ADH1A: variants seen among roughly 807,000 people sequenced by gnomAD.
ADH1A encodes the protein alcohol dehydrogenase 1A.
Under a neutral mutation model 35.2 loss-of-function variants are expected in ADH1A, and 29 were observed. The observed-to-expected ratio is 0.82, with a 90% CI of 0.61 to 1.12. The LOEUF (loss-of-function observed/expected upper bound fraction) is 1.12, where lower values mean the gene tolerates loss of function less well. Ranked by LOEUF, ADH1A falls within the 50% of genes most tolerant of loss-of-function variation. ADH1A has a pLI of 0.00. For synonymous variants in ADH1A, 147 were observed against 164.8 expected (o/e 0.89, Z 0.83); for missense variants, 469 against 464.7 (o/e 1.01, Z -0.09).
chr4:99,282,195 A>G, intron 6 of ADH1A, 151 bp downstream of exon 6: 1 of 1,456,518 alleles, frequency 6.9e-7, no homozygotes, highest in African/African-American at 1.4e-5. Flanking sequence ...CCTCATAACA[A>G]TAAATTAAAC....
At chr4:99,287,086 G>T in intron 2 of ADH1A, 98 bp from the exon 3 acceptor site, 1 of 1,467,852 alleles carries the variant, frequency 6.8e-7, no homozygotes, top group Non-Finnish European at 9.2e-7. Flanking sequence ...ATGTTTTCAA[G>T]GGTTTTGCTA....
At position 99,282,362 on chromosome 4, in the gene ADH1A, C is replaced by A. The variant is rs754271044; in HGVS notation, c.812G>T (p.Gly271Val). Residue 271 changes from glycine (G) to valine (V), a missense_variant, in exon 6 of 9, where the codon GGT (glycine) becomes GTT (valine). Gly to Val is a moderately radical substitution (Grantham distance 109, BLOSUM62 -3). Transcript: ENST00000209668. ...GGVDFSFEVI[G>V]RLDTMMASLL... Reference sequence around the variant, plus strand: ...GGTACATACCATGGTGTCAAGCCGACCGATGACTTCAAATGAAAAATCCAC... The same window carrying A: ...GGTACATACCATGGTGTCAAGCCGAACGATGACTTCAAATGAAAAATCCAC... 2.5e-6 allele frequency: 4 copies of A among 1,614,154 alleles called. No homozygotes were observed. Among genetic ancestry groups the A allele is most frequent in the Non-Finnish European group, 3.4e-6 (4 of 1,180,014 alleles).
Position 99,276,579 on chromosome 4 carries a change from T to G in ADH1A, c.*45A>C, listed in dbSNP as rs1448444797. On this transcript the variant is annotated 3_prime_UTR_variant, in exon 9 of 9. Coordinates refer to ENST00000209668, the MANE Select transcript of ADH1A (RefSeq NM_000667.4). ...AGCTGTTGCTCCAGATCATGTAGGG[T>G]AGAGGAGGCTGAAGACTGCCACAAG... The G allele has an allele frequency of 6.4e-7, 1 of 1,551,272 alleles. No homozygotes were observed. Among genetic ancestry groups the G allele is most frequent in the African/African-American group, 1.4e-5 (1 of 73,478 alleles).
At chr4:99,286,664 A>T (rs542049518) in intron 3 of ADH1A, 186 bp downstream of exon 3, 3 of 938,380 alleles carry the variant, frequency 3.2e-6, no homozygotes, top group Non-Finnish European at 4.7e-6. Flanking sequence ...GGTAGAATAC[A>T]TGCGTGCCTA....
chr4:99,279,600 A>C (rs758489862), intron 7 of ADH1A, 36 bp from the exon 8 acceptor site: 1 of 1,579,568 alleles, frequency 6.3e-7, no homozygotes, highest in Non-Finnish European at 8.6e-7. Context: ...AGATTCAACC[A>C]GGGTAAGTAG....
chr4:99,277,768 A>G (rs1732904814), intron 8 of ADH1A, among the ~76,000 whole-genome samples: 1 of 152,078 alleles, frequency 6.6e-6, no homozygotes, highest in Admixed American at 6.6e-5. Flanking sequence ...CTAATAGATG[A>G]TTGGAATTTA....
At chr4:99,284,910 A>C in intron 3 of ADH1A, 107 bp from the exon 4 acceptor site, 1 of 987,342 alleles carries the variant, frequency 1.0e-6, no homozygotes, top group Non-Finnish European at 1.5e-6. Context: ...GTGTCTTTAA[A>C]AGTCTCCAAG....
chr4:99,290,547 ACC>A, intron 1 of ADH1A, among the ~76,000 whole-genome samples: 1 of 152,226 alleles, frequency 6.6e-6, no homozygotes, highest in South Asian at 2.1e-4. Flanking sequence ...AAATTATGGT[ACC>A]TTAATATAAA....
chr4:99,289,319 G>A (rs1733235685), intron 1 of ADH1A, among the ~76,000 whole-genome samples: 1 of 152,134 alleles, frequency 6.6e-6, no homozygotes, highest in African/African-American at 2.4e-5. Context: ...TACCAGGACA[G>A]TACTATTGAA....
chr4:99,280,796 T>G (rs1431868002), intron 6 of ADH1A, among the ~76,000 whole-genome samples: 2 of 152,198 alleles, frequency 1.3e-5, no homozygotes, highest in Non-Finnish European at 2.9e-5. Flanking sequence ...ATTTCTCAAA[T>G]GGACATGTTT....
chr4:99,289,363 G>A (rs1308863843), intron 1 of ADH1A, among the ~76,000 whole-genome samples: 1 of 152,130 alleles, frequency 6.6e-6, no homozygotes, highest in African/African-American at 2.4e-5. Context: ...AAATAATTGA[G>A]GATCCATTGA....
intron 5 of ADH1A, among the ~76,000 whole-genome samples, chr4:99,282,946 G>C (rs769709775): frequency 6.6e-6 from 1 of 152,220 alleles, no homozygotes; most frequent in Non-Finnish European, 1.5e-5. Flanking sequence ...TTGAGATCCA[G>C]ATGGCAGTGA....
intron 2 of ADH1A, 81 bp downstream of exon 2, chr4:99,287,483 C>T (rs1238780282): frequency 3.8e-6 from 5 of 1,321,118 alleles, no homozygotes; most frequent in Admixed American, 4.2e-5. Flanking sequence ...TCTGGATGAT[C>T]ATATAAAAAT....
At chr4:99,287,083 C>A in intron 2 of ADH1A, 95 bp from the exon 3 acceptor site, 1 of 1,483,610 alleles carries the variant, frequency 6.7e-7, no homozygotes, top group Non-Finnish European at 9.1e-7. Flanking sequence ...AAAATGTTTT[C>A]AAGGGTTTTG....
At chr4:99,280,423 T>A in intron 6 of ADH1A, 144 bp from the exon 7 acceptor site, 1 of 1,393,072 alleles carries the variant, frequency 7.2e-7, no homozygotes, top group Non-Finnish European at 9.8e-7. Context: ...AGTCCCCTTT[T>A]TTGCACGGGA....
At chr4:99,278,787 G>C (rs1368324192) in intron 8 of ADH1A, among the ~76,000 whole-genome samples, 1 of 152,132 alleles carries the variant, frequency 6.6e-6, no homozygotes, top group African/African-American at 2.4e-5. Context: ...TGAGAGTTAA[G>C]TGTTAGAGAC....
Position 99,290,851 on chromosome 4 carries a change from A to G in ADH1A, c.18+46T>C, listed in dbSNP as rs771591039. ...CAAATACTGTATTACTTTCTTTGTTATATTGATGAGAATATAGTTCCAACA... is the reference window on the plus strand; with the variant it reads ...CAAATACTGTATTACTTTCTTTGTTGTATTGATGAGAATATAGTTCCAACA... On this transcript the variant is annotated intron_variant, in intron 1 of 8. Coordinates refer to ENST00000209668, the MANE Select transcript of ADH1A (RefSeq NM_000667.4). The G allele has an allele frequency of 2.6e-6, 4 of 1,567,118 alleles. No individual in the cohort carries two copies. The Admixed American group carries it at 6.7e-5, about 26-fold the overall frequency.
chr4:99,290,513 A>G (rs1027172836), intron 1 of ADH1A, among the ~76,000 whole-genome samples: 8 of 152,220 alleles, frequency 5.3e-5, no homozygotes, highest in Admixed American at 4.6e-4. Flanking sequence ...CACAAAAAAT[A>G]TAAATACAAA....
chr4:99,283,353 A>AT (rs1733052041), intron 5 of ADH1A, among the ~76,000 whole-genome samples: 1 of 152,130 alleles, frequency 6.6e-6, no homozygotes, highest in Non-Finnish European at 1.5e-5. Context: ...TGCCATCTAC[A>AT]TTTTTTTAAT....
Sources: gnomAD v4.1 joint callset for allele counts (sites outside exome capture counted in the v4.1 genomes callset) on GRCh38, gnomAD v4.1.1 for gene constraint, MANE v1.5 for transcripts, NCBI Gene and HGNC (gene_info 2026-07-23, HGNC 2026-07-21) for gene names.